Variants in MVP observed in about 807,000 individuals in gnomAD.
The protein encoded by MVP is major vault protein.
In MVP, 62 loss-of-function variants were observed where a neutral mutation model predicts 83.5. The ratio of observed to expected loss-of-function variants is 0.74; its 90% CI spans 0.61 to 0.92. The LOEUF (loss-of-function observed/expected upper bound fraction) is 0.92. MVP is among the 40% of genes least tolerant of loss of function. MVP has a pLI of 0.00. For missense variants in MVP, 1,000 were observed against 1,203.4 expected, an observed-to-expected ratio of 0.83 and a Z score of 2.50; for synonymous variants, 505 against 504.1, an observed-to-expected ratio of 1.00 and a Z score of -0.02.
intron 1 of MVP, among the ~76,000 whole-genome samples, chr16:29,823,907 A>G (rs1322835660): frequency 6.6e-6 from 1 of 151,752 alleles, no homozygotes; most frequent in African/African-American, 2.4e-5. Flanking sequence ...ACCCAGACCA[A>G]TTAAATAGAA....
chr16:29,827,780 G>T (rs1439908466), intron 1 of MVP, among the ~76,000 whole-genome samples: 1 of 152,076 alleles, frequency 6.6e-6, no homozygotes. Flanking sequence ...GCTAGGCGTG[G>T]TGGCACATGC....
intron 6 of MVP, 25 bp downstream of exon 6, chr16:29,835,823 T>C: frequency 5.6e-6 from 9 of 1,604,178 alleles, no homozygotes; most frequent in Non-Finnish European, 7.7e-6. Context: ...GGCTGTGGTT[T>C]AAGGGACCTG....
chr16:29,822,465 TTTAAC>T (rs1237034502), intron 1 of MVP: 1 of 152,114 alleles, frequency 6.6e-6, no homozygotes, highest in African/African-American at 2.4e-5. Context: ...GACTAGAATA[TTTAAC>T]TTAAATCAGT....
chr16:29,842,893 A>G (rs2067546523), intron 10 of MVP, among the ~76,000 whole-genome samples: 1 of 152,190 alleles, frequency 6.6e-6, no homozygotes, highest in Non-Finnish European at 1.5e-5. Context: ...CAAATGCGTA[A>G]CTGTCGGGCT....
chr16:29,829,197 T>C lies in MVP; in HGVS notation c.-35-1318T>C, dbSNP rs950879604. On this transcript the variant is annotated intron_variant, in intron 1 of 14. Coordinates refer to ENST00000357402, the MANE Select transcript of MVP (RefSeq NM_005115.5). The stretch of plus-strand genomic sequence containing the variant: ...GAGGCCACCACCAGACAAAAGAGGC[T>C]CCTCATCGGCCAGGTGTGATGGCTC... Among the ~76,000 whole-genome samples the C allele has an allele frequency of 2.0e-5, 3 of 149,962 alleles. No homozygotes were observed. The Admixed American group carries it at 2.0e-4, about 10-fold the overall frequency.
intron 3 of MVP, among the ~76,000 whole-genome samples, chr16:29,833,139 GGATCACAT>G (rs2067457668): frequency 6.6e-6 from 1 of 152,094 alleles, no homozygotes; most frequent in South Asian, 2.1e-4. Flanking sequence ...TGAGACAGAA[GGATCACAT>G]GAGCCTGGGA....
At chr16:29,847,639 A>T in intron 14 of MVP, 123 bp from the exon 15 acceptor site, 1 of 1,057,162 alleles carries the variant, frequency 9.5e-7, no homozygotes, top group South Asian at 1.3e-5. Context: ...TTTCCAAGGC[A>T]GTCAAGCAGG....
At chr16:29,828,580 A>T (rs899626790) in intron 1 of MVP, among the ~76,000 whole-genome samples, 2 of 152,096 alleles carry the variant, frequency 1.3e-5, no homozygotes, top group Non-Finnish European at 2.9e-5. Context: ...GGGTTTCGCC[A>T]TGTTGGCCAG....
At chr16:29,826,086 A>T (rs1362106115) in intron 1 of MVP, 1 of 152,270 alleles carries the variant, frequency 6.6e-6, no homozygotes, top group African/African-American at 2.4e-5. Flanking sequence ...CCAGCATGCC[A>T]GCTCAGGTGG....
At chr16:29,840,556 A>C (rs2067526680) in intron 8 of MVP, 97 bp downstream of exon 8, 1 of 1,384,414 alleles carries the variant, frequency 7.2e-7, no homozygotes, top group African/African-American at 1.4e-5. Flanking sequence ...GGACTTCAGC[A>C]GCATGGAGAG....
chr16:29,844,008 A>G (rs1303848961), intron 10 of MVP, among the ~76,000 whole-genome samples: 1 of 152,210 alleles, frequency 6.6e-6, no homozygotes, highest in Non-Finnish European at 1.5e-5. Flanking sequence ...CTGCCGACAT[A>G]TTCCCAGGCA....
chr16:29,837,188 C>T (rs563295689), intron 7 of MVP, among the ~76,000 whole-genome samples: 1 of 152,348 alleles, frequency 6.6e-6, no homozygotes, highest in South Asian at 2.1e-4. Context: ...CTCCTGGCTA[C>T]CCGCTGCCTG....
Position 29,841,914 on chromosome 16 carries a change from G to A in MVP, c.1437-1G>A. Reference sequence around the variant, plus strand: ...GCTCTGACCCTCGGCTGTCTCTGCAGCGTGGTCTTCGGGCCTGAGCTGGTG... The same window carrying A: ...GCTCTGACCCTCGGCTGTCTCTGCAACGTGGTCTTCGGGCCTGAGCTGGTG... On this transcript the variant is annotated splice_acceptor_variant, in intron 9 of 14. Transcript: ENST00000357402. LOFTEE classifies it high-confidence loss of function. This position sits in a 1 kb window ranked among gnomAD's most constrained non-coding sequence, Gnocchi z 4.7. The A allele has an allele frequency of 6.2e-7, 1 of 1,612,122 alleles. No homozygotes were observed. The highest frequency in any genetic ancestry group is 1.1e-5 in the South Asian group (1 of 91,076).
rs1480786418 is a variant in MVP, at chr16:29,847,781, T to C, written c.2474T>C (p.Leu825Pro). The C allele has an allele frequency of 6.2e-7, 1 of 1,614,080 alleles. No homozygotes were observed. Among genetic ancestry groups the C allele is most frequent in the Non-Finnish European group, 8.5e-7 (1 of 1,180,030 alleles). The change falls in exon 15 of 15, where the codon CTG becomes CCG. Residue 825 changes from leucine (L) to proline (P), a missense_variant. Coordinates refer to ENST00000357402, the MANE Select transcript of MVP (RefSeq NM_005115.5). The part of the protein sequence containing the change: ...PEMQVKLLQS[L>P]GLKSTLITDG... The stretch of plus-strand genomic sequence containing the variant: ...CTCCAGGTAAAACTGCTCCAGTCCC[T>C]GGGCCTGAAATCAACCCTCATCACC...
At chr16:29,847,633 C>T (rs921482767) in intron 14 of MVP, 129 bp from the exon 15 acceptor site, 6 of 1,039,012 alleles carry the variant, frequency 5.8e-6, no homozygotes, top group African/African-American at 1.6e-5. Flanking sequence ...CAGGCATTTC[C>T]AAGGCAGTCA....
chr16:29,844,366 AG>A, intron 10 of MVP, 126 bp from the exon 11 acceptor site: 1 of 1,269,432 alleles, frequency 7.9e-7, no homozygotes, highest in Non-Finnish European at 1.1e-6. Context: ...TGGGAGGCTG[AG>A]GTTGGGGGGT....
chr16:29,835,581 T>TG, intron 5 of MVP, 123 bp from the exon 6 acceptor site: 3 of 631,010 alleles, frequency 4.8e-6, no homozygotes, highest in Non-Finnish European at 8.1e-6. Flanking sequence ...AACTTGAGCC[T>TG]GGGGTCAGTG....
chr16:29,821,914 G>T (rs1295095969), intron 1 of MVP, among the ~76,000 whole-genome samples: 1 of 152,194 alleles, frequency 6.6e-6, no homozygotes, highest in Admixed American at 6.5e-5. Context: ...GCAAAAAGCA[G>T]CAGGAGTGGG....
At chr16:29,835,916 T>TA (rs1259378585) in intron 6 of MVP, 118 bp downstream of exon 6, 4 of 831,796 alleles carry the variant, frequency 4.8e-6, no homozygotes, top group African/African-American at 1.7e-5. Flanking sequence ...TAGGGTCACT[T>TA]AAAAAAATTC....
Sources: gnomAD v4.1 joint callset for allele counts (sites outside exome capture counted in the v4.1 genomes callset) on GRCh38, gnomAD v4.1.1 for gene constraint, Gnocchi (gnomAD v3.1) non-coding constraint, MANE v1.5 for transcripts, NCBI Gene and HGNC (gene_info 2026-07-23, HGNC 2026-07-21) for gene names.